Variants in GPC6 observed in about 807,000 individuals in gnomAD.
The protein encoded by GPC6 is glypican-6.
Under a neutral mutation model 55.2 loss-of-function variants are expected in GPC6, and 14 were observed. The observed-to-expected ratio is 0.25, with a 90% CI of 0.17 to 0.40. GPC6 has a LOEUF of 0.40. GPC6 is among the 10% of genes least tolerant of loss of function. The pLI, the probability that GPC6 is intolerant of heterozygous loss-of-function variation, is 1.00. For missense variants in GPC6, 641 were observed against 708.5 expected (o/e 0.90, Z 1.08); for synonymous variants, 278 against 259.6 (o/e 1.07, Z -0.68).
At chr13:93,944,259 A>G (rs541153574) in intron 3 of GPC6, among the ~76,000 whole-genome samples, 8 of 151,410 alleles carry the variant, frequency 5.3e-5, no homozygotes, top group Non-Finnish European at 1.2e-4. Flanking sequence ...GCTGGAGTGC[A>G]GTGGCGCCAT....
chr13:94,290,413 T>C (rs1321811937), intron 5 of GPC6, among the ~76,000 whole-genome samples: 1 of 132,272 alleles, frequency 7.6e-6, no homozygotes, highest in East Asian at 2.1e-4. Flanking sequence ...AGGATGAGAC[T>C]CTGGCTCTAG....
chr13:94,220,230 G>C (rs999984236), intron 4 of GPC6, among the ~76,000 whole-genome samples: 2 of 152,044 alleles, frequency 1.3e-5, no homozygotes, highest in African/African-American at 4.8e-5. Flanking sequence ...TGGACACAGG[G>C]CCAAGAAAAC....
At chr13:93,923,287 A>G (rs926374399) in intron 3 of GPC6, among the ~76,000 whole-genome samples, 10 of 152,192 alleles carry the variant, frequency 6.6e-5, no homozygotes, top group Non-Finnish European at 1.2e-4. Flanking sequence ...AATGTTAACA[A>G]ATTTCACATA....
rs144004579 is a variant in GPC6 at position 94,246,059 on chromosome 13, G to A, written c.878-40290G>A. Among the ~76,000 whole-genome samples the A allele has an allele frequency of 5.9e-5, 9 of 152,066 alleles. No homozygotes were observed. The East Asian group carries it at 7.8e-4, about 13-fold the overall frequency. The stretch of plus-strand genomic sequence containing the variant: ...TCTTTTTTATAGTAGACATTCTAAC[G>A]GATATGAGGTGGTATCTCATAGCAG... On this transcript the variant is annotated intron_variant, in intron 4 of 8. Transcript: ENST00000377047.
At chr13:93,311,564 G>A (rs1879068355) in intron 1 of GPC6, among the ~76,000 whole-genome samples, 1 of 152,086 alleles carries the variant, frequency 6.6e-6, no homozygotes, top group Non-Finnish European at 1.5e-5. Flanking sequence ...AATCAACCAA[G>A]CCCTACACAG....
chr13:93,757,043 A>G (rs1011227676), intron 2 of GPC6, among the ~76,000 whole-genome samples: 1 of 152,204 alleles, frequency 6.6e-6, no homozygotes, highest in Non-Finnish European at 1.5e-5. Flanking sequence ...CCCTTGTTCT[A>G]CAGGTATATG....
intron 2 of GPC6, among the ~76,000 whole-genome samples, chr13:93,617,639 T>G (rs1418001616): frequency 6.6e-6 from 1 of 152,122 alleles, no homozygotes; most frequent in Non-Finnish European, 1.5e-5. Flanking sequence ...AAAGCTGTCT[T>G]CTGGAATCCC....
intron 4 of GPC6, among the ~76,000 whole-genome samples, chr13:94,126,173 A>T (rs1886802392): frequency 6.6e-6 from 1 of 152,120 alleles, no homozygotes; most frequent in African/African-American, 2.4e-5. Flanking sequence ...TTGAGGCAAG[A>T]GTTGGAGCCC....
chr13:94,344,216 G>C (rs893386136), intron 6 of GPC6, among the ~76,000 whole-genome samples: 1 of 152,146 alleles, frequency 6.6e-6, no homozygotes, highest in African/African-American at 2.4e-5. Flanking sequence ...GGAAAATTTT[G>C]ATATTTTATT....
intron 1 of GPC6, among the ~76,000 whole-genome samples, chr13:93,228,186 A>T (rs1416350184): frequency 6.6e-6 from 1 of 151,820 alleles, no homozygotes; most frequent in Admixed American, 6.5e-5. Context: ...GCTGGGAGGG[A>T]CCCTCGCCGG....
chr13:94,084,592 A>T (rs1885217234), intron 4 of GPC6, among the ~76,000 whole-genome samples: 1 of 143,226 alleles, frequency 7.0e-6, no homozygotes, highest in Non-Finnish European at 1.5e-5. Context: ...GTGATAAAAA[A>T]AAAACTTAAT....
At position 93,227,376 on chromosome 13, in the gene GPC6, C is replaced by G. The variant is rs568195821; in HGVS notation, c.-81C>G. On this transcript the variant is annotated 5_prime_UTR_variant, in exon 1 of 9. Coordinates refer to ENST00000377047, the MANE Select transcript of GPC6 (RefSeq NM_005708.5). This position sits in a 1 kb window ranked among gnomAD's most constrained non-coding sequence, Gnocchi z 4.3. ...AGCGGCGAGGAGCGCGCCGCTGCCT[C>G]TGGCGGGCTTTCGGCTTGAGGGGCA... 3 of 1,454,380 alleles carry G rather than the reference C, an allele frequency of 2.1e-6. No individual in the cohort carries two copies. The Admixed American group carries it at 5.6e-5, about 27-fold the overall frequency. The allele number at this position is 1,454,380 out of a possible 1,614,324, so 90.1% of individuals were successfully genotyped here.
chr13:93,640,812 CTTCTTTCCTTCCTTCCTTTG>C (rs1337927556), intron 2 of GPC6, among the ~76,000 whole-genome samples: 1 of 77,792 alleles, frequency 1.3e-5, no homozygotes, highest in African/African-American at 3.5e-5. Context: ...TCCTTCCTTC[CTTCTTTCCTTCCTTCCTTTG>C]TTCCTTCCTT....
intron 1 of GPC6, among the ~76,000 whole-genome samples, chr13:93,285,140 C>T (rs958202860): frequency 6.6e-5 from 10 of 152,074 alleles, no homozygotes; most frequent in East Asian, 5.8e-4. Context: ...CAGTGAGTTC[C>T]GGTGAGTTCT....
chr13:93,769,100 C>T (rs572667904), intron 2 of GPC6, among the ~76,000 whole-genome samples: 1 of 152,256 alleles, frequency 6.6e-6, no homozygotes, highest in African/African-American at 2.4e-5. Context: ...TTCATCGGCT[C>T]ATTCCCTTAC....
chr13:93,439,688 A>AG (rs1566358017), intron 1 of GPC6, among the ~76,000 whole-genome samples: 32 of 129,024 alleles, frequency 2.5e-4, no homozygotes, highest in African/African-American at 8.9e-4. Context: ...AAATAAAATA[A>AG]ATAAAAAAAA....
chr13:93,509,510 A>C (rs1880865397), intron 1 of GPC6, among the ~76,000 whole-genome samples: 1 of 152,234 alleles, frequency 6.6e-6, no homozygotes, highest in South Asian at 2.1e-4. Context: ...ATCTTAGAAC[A>C]ATATAATGAG....
chr13:93,708,195 A>G (rs1882923377), intron 2 of GPC6, among the ~76,000 whole-genome samples: 1 of 151,834 alleles, frequency 6.6e-6, no homozygotes, highest in South Asian at 2.1e-4. Flanking sequence ...ATATGTGGGC[A>G]CTTGTATGTG....
chr13:93,925,260 A>G (rs1877794694), intron 3 of GPC6, among the ~76,000 whole-genome samples: 1 of 152,166 alleles, frequency 6.6e-6, no homozygotes, highest in Non-Finnish European at 1.5e-5. Flanking sequence ...AGGTCTCCTT[A>G]ACTCCAAAGT....
Sources: gnomAD v4.1 joint callset for allele counts (sites outside exome capture counted in the v4.1 genomes callset) on GRCh38, gnomAD v4.1.1 for gene constraint, Gnocchi (gnomAD v3.1) non-coding constraint, MANE v1.5 for transcripts, NCBI Gene and HGNC (gene_info 2026-07-23, HGNC 2026-07-21) for gene names.